Variants in NANP observed in about 807,000 individuals in gnomAD.
NANP encodes the protein N-acylneuraminate-9-phosphatase.
Under a neutral mutation model 16.9 loss-of-function variants are expected in NANP, and 15 were observed. That is an observed-to-expected ratio of 0.89 (90% CI 0.59 to 1.37). The LOEUF (loss-of-function observed/expected upper bound fraction) is 1.37, where lower values mean the gene tolerates loss of function less well. NANP is among the 40% of genes most tolerant of loss of function. The pLI, the probability that NANP is intolerant of heterozygous loss-of-function variation, is 0.00. For synonymous variants in NANP, 135 were observed against 112.6 expected, an observed-to-expected ratio of 1.20 and a Z score of -1.26; for missense variants, 290 against 303.5, an observed-to-expected ratio of 0.96 and a Z score of 0.33.
intron 1 of NANP, among the ~76,000 whole-genome samples, chr20:25,622,795 A>C (rs1291384486): frequency 3.9e-5 from 6 of 152,218 alleles, no homozygotes; most frequent in African/African-American, 1.4e-4. Context: ...CGACATTACG[A>C]TGGATTTAGT....
Position 25,616,526 on chromosome 20 carries a change from C to G in NANP, c.146G>C (p.Cys49Ser). 6.2e-7 allele frequency: 1 copy of G among 1,611,160 alleles called. No individual in the cohort carries two copies. Among genetic ancestry groups the G allele is most frequent in the East Asian group, 2.2e-5 (1 of 44,846 alleles). ...GCTGAGTTTAACTTGAACTTTATCACAGATGATTTCAGCCTCTTCTTTATA... is the reference window on the plus strand; with the variant it reads ...GCTGAGTTTAACTTGAACTTTATCAGAGATGATTTCAGCCTCTTCTTTATA... ...YHYKEEAEII[C>S]DKVQVKLSKE... Residue 49 changes from cysteine to serine, a missense_variant, in exon 2 of 2, where the codon TGT becomes TCT. Coordinates refer to ENST00000304788, the MANE Select transcript of NANP (RefSeq NM_152667.3).
At chr20:25,620,816 G>A (rs1384912560) in intron 1 of NANP, among the ~76,000 whole-genome samples, 1 of 151,616 alleles carries the variant, frequency 6.6e-6, no homozygotes, top group Non-Finnish European at 1.5e-5. Flanking sequence ...AGGGGATAGA[G>A]GCCCCCCTTT....
In NANP at chr20:25,616,589, A is replaced by G; in HGVS notation, c.91-8T>C. 6.4e-7 allele frequency: 1 copy of G among 1,560,760 alleles called. No individual in the cohort carries two copies. Among genetic ancestry groups the G allele is most frequent in the Non-Finnish European group, 8.6e-7 (1 of 1,156,838 alleles). ...TTGTAAGAGTTTTATCACCTAAATA[A>G]TGGAAAATAACTCCATTAACACATT... On this transcript the variant is annotated splice_region_variant and splice_polypyrimidine_tract_variant and intron_variant, in intron 1 of 1. Coordinates refer to ENST00000304788, the MANE Select transcript of NANP (RefSeq NM_152667.3).
chr20:25,618,366 T>G (rs558142992), intron 1 of NANP, among the ~76,000 whole-genome samples: 22 of 152,128 alleles, frequency 1.4e-4, no homozygotes, highest in African/African-American at 5.3e-4. Flanking sequence ...AGGAACAGCA[T>G]GAACAAAGGC....
chr20:25,623,274 T>A (rs997573842), intron 1 of NANP, among the ~76,000 whole-genome samples: 38 of 152,182 alleles, frequency 2.5e-4, no homozygotes, highest in African/African-American at 9.2e-4. Flanking sequence ...GGGCTTTTGC[T>A]GTGTCACGTG....
intron 1 of NANP, among the ~76,000 whole-genome samples, chr20:25,622,831 G>T (rs906406878): frequency 1.3e-5 from 2 of 152,210 alleles, no homozygotes; most frequent in Non-Finnish European, 2.9e-5. Flanking sequence ...GAGACAAGGA[G>T]ATAACGGGTA....
At position 25,623,956 on chromosome 20, in the gene NANP, G is replaced by A. The variant is rs750782909; in HGVS notation, c.-8C>T. On this transcript the variant is annotated 5_prime_UTR_variant, in exon 1 of 2. Coordinates refer to ENST00000304788, the MANE Select transcript of NANP (RefSeq NM_152667.3). ...CACGCGGCTCAGCCCCATAGCGCCG[G>A]CCGCTGGCGCGAACCGTAGCCTTGC... 1 of 1,611,588 alleles carries A rather than the reference G, an allele frequency of 6.2e-7. No homozygotes were observed. The highest frequency in any genetic ancestry group is 8.5e-7 in the Non-Finnish European group (1 of 1,179,338).
intron 1 of NANP, among the ~76,000 whole-genome samples, chr20:25,620,447 ACT>A (rs1321275865): frequency 1.3e-5 from 2 of 152,086 alleles, no homozygotes; most frequent in Non-Finnish European, 2.9e-5. Context: ...GAAAAAGGAA[ACT>A]CTATTCTTCT....
At position 25,616,392 on chromosome 20, in the gene NANP, C is replaced by T. The variant is rs2065343804; in HGVS notation, c.280G>A (p.Glu94Lys). Residue 94 changes from glutamate (E) to lysine (K), a missense_variant, in exon 2 of 2, where the codon GAA becomes AAA. Transcript: ENST00000304788. ...GATTTCCAAAGGAAATAACATTCTT[C>T]AGCCAATTTTCTATTGGCTGCACCA... ...KGGAANRKLA[E>K]ECYFLWKSTR... 2 of 1,613,232 alleles carry T rather than the reference C, an allele frequency of 1.2e-6. No homozygotes were observed. Among genetic ancestry groups the T allele is most frequent in the South Asian group, 1.1e-5 (1 of 91,008 alleles).
rs1000834130 is a variant in NANP, at chr20:25,614,325, A to G, written c.*1600T>C. ...CTATTTTACATTAGTAGTTTCTTAT[A>G]TAACAGTTGGAAGAAAAACATATCA... On this transcript the variant is annotated 3_prime_UTR_variant, in exon 2 of 2. Transcript: ENST00000304788. 6.5e-6 allele frequency: 1 copy of G among 152,712 alleles called. No homozygotes were observed. The highest frequency in any genetic ancestry group is 2.4e-5 in the African/African-American group (1 of 41,496). 9.5% of individuals were successfully genotyped at this position (152,712 alleles called of 1,614,324 possible). A position where few individuals can be genotyped will look rare whatever the true frequency, so the allele number is the denominator to read the frequency against.
Position 25,616,578 on chromosome 20 carries a change from T to C in NANP, c.94A>G (p.Ile32Val), listed in dbSNP as rs1338580152. The part of the protein sequence containing the change: ...GASRRGMLEV[I>V]KLLQSKYHYK... ...TGGTATTTTGATTGTAAGAGTTTTA[T>C]CACCTAAATAATGGAAAATAACTCC... The change falls in exon 2 of 2, where the codon ATA becomes GTA. Residue 32 changes from isoleucine (I) to valine (V), a missense_variant. Transcript: ENST00000304788. The C allele has an allele frequency of 1.9e-6, 3 of 1,577,526 alleles. No homozygotes were observed. The African/African-American group carries it at 4.1e-5, about 21-fold the overall frequency.
rs754780736 is a variant in NANP at position 25,616,211 on chromosome 20, A to G, written c.461T>C (p.Val154Ala). 1 of 1,614,152 alleles carries G rather than the reference A, an allele frequency of 6.2e-7. No homozygotes were observed. Among genetic ancestry groups the G allele is most frequent in the Non-Finnish European group, 8.5e-7 (1 of 1,180,036 alleles). The change falls in exon 2 of 2, where the codon GTT (valine) becomes GCT (alanine). Residue 154 changes from valine to alanine, a missense_variant. Physicochemically the swap from Val to Ala is moderately conservative, Grantham distance 64. Transcript: ENST00000304788. ...CTCTCTCTGCTCTCCACCTACAACA[A>G]CAGCGTCAAAATAGGACTGACAGGC... ...ACACQSYFDA[V>A]VVGGEQREEK...
In NANP at chr20:25,623,901, A is replaced by G; in HGVS notation, c.48T>C (p.Thr16=). The G allele has an allele frequency of 6.2e-7, 1 of 1,613,300 alleles. No homozygotes were observed. The change falls in exon 1 of 2, where the codon ACT becomes ACC. Residue 16 remains threonine, a synonymous_variant. Coordinates refer to ENST00000304788, the MANE Select transcript of NANP (RefSeq NM_152667.3). The part of the protein sequence containing the change: ...VRAVFFDLDN[T]LIDTAGASRR... The stretch of plus-strand genomic sequence containing the variant: ...TGCTCGCCCCGGCCGTGTCGATGAG[A>G]GTGTTGTCCAAGTCAAAGAAAACCG...
chr20:25,618,120 A>T (rs1473909126), intron 1 of NANP, among the ~76,000 whole-genome samples: 1 of 148,514 alleles, frequency 6.7e-6, no homozygotes, highest in African/African-American at 2.5e-5. Flanking sequence ...CTATGTGTTA[A>T]GCACTAGAGA....
At chr20:25,617,399 A>G (rs1438342725) in intron 1 of NANP, among the ~76,000 whole-genome samples, 2 of 152,012 alleles carry the variant, frequency 1.3e-5, no homozygotes, top group Non-Finnish European at 2.9e-5. Flanking sequence ...TTTAGCAGAG[A>G]CAGGGTTTCA....
chr20:25,623,055 C>A (rs981464602), intron 1 of NANP, among the ~76,000 whole-genome samples: 4 of 152,180 alleles, frequency 2.6e-5, no homozygotes, highest in African/African-American at 9.7e-5. Context: ...ATGAAGAGGA[C>A]GGGGCGCTCA....
intron 1 of NANP, 99 bp from the exon 2 acceptor site, chr20:25,616,680 C>G (rs946026591): frequency 1.1e-6 from 1 of 910,104 alleles, no homozygotes; most frequent in Non-Finnish European, 1.6e-6. Context: ...AGTCCAACTC[C>G]ACTCCTCTGC....
intron 1 of NANP, among the ~76,000 whole-genome samples, chr20:25,617,012 C>A (rs1226255759): frequency 6.6e-6 from 1 of 151,900 alleles, no homozygotes; most frequent in East Asian, 1.9e-4. Flanking sequence ...CATATCGAGA[C>A]CCCATCTTAA....
At chr20:25,618,126 A>G (rs1296596077) in intron 1 of NANP, among the ~76,000 whole-genome samples, 1 of 147,078 alleles carries the variant, frequency 6.8e-6, no homozygotes, top group Admixed American at 7.2e-5. Context: ...GTTAAGCACT[A>G]GAGACTGGCC....
Sources: gnomAD v4.1 joint callset for allele counts (sites outside exome capture counted in the v4.1 genomes callset) on GRCh38, gnomAD v4.1.1 for gene constraint, MANE v1.5 for transcripts, NCBI Gene and HGNC (gene_info 2026-07-23, HGNC 2026-07-21) for gene names.